Variants in TSPAN14 observed in about 807,000 individuals in gnomAD.
TSPAN14 encodes tetraspanin-14.
TSPAN14 carries 16 observed loss-of-function variants against 36.6 expected under a neutral mutation model. The ratio of observed to expected loss-of-function variants is 0.44; its 90% confidence interval spans 0.30 to 0.66. The LOEUF (loss-of-function observed/expected upper bound fraction) is 0.66. Ranked by LOEUF, TSPAN14 falls within the 30% of genes least tolerant of loss-of-function variation. The probability of loss-of-function intolerance (pLI) is 0.12; values close to 1 mark genes in which losing one functional copy is unlikely to be tolerated. For synonymous variants in TSPAN14, 139 were observed against 143.8 expected (o/e 0.97, Z 0.24); for missense variants, 231 against 355.1 (o/e 0.65, Z 2.81).
At chr10:80,461,507 A>G (rs1421193440) in intron 1 of TSPAN14, among the ~76,000 whole-genome samples, 1 of 152,114 alleles carries the variant, frequency 6.6e-6, no homozygotes, top group Non-Finnish European at 1.5e-5. Context: ...TGCCAAAATC[A>G]GAGTTGGTGG....
At chr10:80,506,326 T>G (rs1335663253) in intron 3 of TSPAN14, among the ~76,000 whole-genome samples, 3 of 152,202 alleles carry the variant, frequency 2.0e-5, no homozygotes, top group Non-Finnish European at 4.4e-5. Flanking sequence ...TGAGGCGGTC[T>G]TTTTCTTTCA....
At chr10:80,508,705 G>A (rs1840446619) in intron 4 of TSPAN14, among the ~76,000 whole-genome samples, 1 of 152,280 alleles carries the variant, frequency 6.6e-6, no homozygotes, top group Non-Finnish European at 1.5e-5. Flanking sequence ...ATTGTAAAGA[G>A]CCCTGCAGGG....
intron 7 of TSPAN14, 42 bp from the exon 8 acceptor site, chr10:80,516,162 G>C (rs190737605): frequency 1.2e-6 from 2 of 1,613,466 alleles, no homozygotes; most frequent in Admixed American, 3.3e-5. Flanking sequence ...TGGGGACATC[G>C]TGTGTGCCAA....
intron 6 of TSPAN14, among the ~76,000 whole-genome samples, chr10:80,513,239 A>G (rs976195600): frequency 1.3e-5 from 2 of 151,790 alleles, no homozygotes; most frequent in African/African-American, 4.8e-5. Context: ...TCCAAGGCCA[A>G]CGTCCTTGGG....
intron 1 of TSPAN14, among the ~76,000 whole-genome samples, chr10:80,459,741 C>T (rs1845885910): frequency 6.6e-6 from 1 of 152,046 alleles, no homozygotes; most frequent in Non-Finnish European, 1.5e-5. Context: ...AGGAGAGAGG[C>T]CCCACAGCAG....
chr10:80,471,885 C>T (rs1286811401), intron 1 of TSPAN14, among the ~76,000 whole-genome samples: 2 of 152,166 alleles, frequency 1.3e-5, no homozygotes, highest in African/African-American at 2.4e-5. Context: ...TTCTGAAAAT[C>T]TCTCATGGGT....
intron 2 of TSPAN14, among the ~76,000 whole-genome samples, chr10:80,498,528 G>A (rs2132030356): frequency 6.6e-6 from 1 of 152,294 alleles, no homozygotes; most frequent in East Asian, 1.9e-4. Context: ...GTTGTCTCCA[G>A]AAGCCCAGTA....
chr10:80,461,166 C>T (rs1476891492), intron 1 of TSPAN14, among the ~76,000 whole-genome samples: 3 of 152,160 alleles, frequency 2.0e-5, no homozygotes, highest in Admixed American at 2.0e-4. Context: ...CTCTGCCTCT[C>T]TTGAGGGCCG....
At chr10:80,511,007 G>T (rs954762985) in intron 5 of TSPAN14, among the ~76,000 whole-genome samples, 1 of 152,240 alleles carries the variant, frequency 6.6e-6, no homozygotes, top group African/African-American at 2.4e-5. Context: ...GTGGAGGTGT[G>T]GGGGAGACAA....
exon 6 of TSPAN14, chr10:80,512,237 G>C: frequency 6.2e-7 from 1 of 1,614,156 alleles, no homozygotes; most frequent in Non-Finnish European, 8.5e-7. Flanking sequence ...GAAGTGCGGG[G>C]TCCCCTTCTC....
chr10:80,482,732 C>CT (rs34769982), intron 1 of TSPAN14, among the ~76,000 whole-genome samples: 2,419 of 110,490 alleles, frequency 0.022, 143 homozygotes, highest in African/African-American at 0.064. Flanking sequence ...TTTTCTTTTC[C>CT]TTTTTTTTTT....
rs758224565 is a variant in TSPAN14, at chr10:80,516,186, T to G, written c.622-18T>G. Reference sequence around the variant, plus strand: ...CGTGTGTGCCAAAGGCTCAGACCCCTGTGGTGTTTTCCTGCAGCTGAAGAG... The same window carrying G: ...CGTGTGTGCCAAAGGCTCAGACCCCGGTGGTGTTTTCCTGCAGCTGAAGAG... On this transcript the variant is annotated intron_variant, in intron 7 of 8. Coordinates refer to ENST00000429989, the Ensembl canonical transcript of TSPAN14. 6.2e-7 allele frequency: 1 copy of G among 1,614,162 alleles called. No individual in the cohort carries two copies.
At chr10:80,507,139 C>T (rs1840345462) in intron 3 of TSPAN14, 89 bp from the exon 4 acceptor site, 1 of 1,522,276 alleles carries the variant, frequency 6.6e-7, no homozygotes, top group Non-Finnish European at 9.0e-7. Flanking sequence ...AAGCAAGTCC[C>T]TGTTTTCAGT....
chr10:80,454,559 C>T (rs1422139029), intron 1 of TSPAN14, among the ~76,000 whole-genome samples, 188 bp downstream of exon 1: 1 of 151,940 alleles, frequency 6.6e-6, no homozygotes, highest in Non-Finnish European at 1.5e-5. Flanking sequence ...GCCAGGATTG[C>T]TCGCTAGAGG....
In TSPAN14 at chr10:80,509,813, T is replaced by C. The variant is rs1456514952; in HGVS notation, c.450+342T>C. Reference sequence around the variant, plus strand: ...GCTGCAATCCTCCTTAGGCGCTGCATACCGTAAGGCACAGCTTCTTCCCCC... The same window carrying C: ...GCTGCAATCCTCCTTAGGCGCTGCACACCGTAAGGCACAGCTTCTTCCCCC... On this transcript the variant is annotated intron_variant, in intron 5 of 8. Coordinates refer to ENST00000429989, the Ensembl canonical transcript of TSPAN14. This position sits in a 1 kb window ranked among gnomAD's most constrained non-coding sequence, Gnocchi z 4.7. 2.4e-5 allele frequency: 6 copies of C among 246,446 alleles called. No homozygotes were observed. In the Admixed American group the frequency reaches 3.1e-4, roughly 13 times the overall value. 15.3% of individuals were successfully genotyped at this position (246,446 alleles called of 1,614,324 possible). A position where few individuals can be genotyped will look rare whatever the true frequency, so the allele number is the denominator to read the frequency against.
chr10:80,513,012 C>T (rs1199601179), intron 6 of TSPAN14, among the ~76,000 whole-genome samples: 1 of 152,202 alleles, frequency 6.6e-6, no homozygotes, highest in African/African-American at 2.4e-5. Flanking sequence ...AATTCTCCAG[C>T]CTCAACCTCC....
In TSPAN14 at chr10:80,480,456, T is replaced by G. The variant is rs534831155; in HGVS notation, c.-17-8761T>G. Among the ~76,000 whole-genome samples, 3 of 152,326 alleles carry G rather than the reference T, an allele frequency of 2.0e-5. No homozygotes were observed. The South Asian group carries it at 6.2e-4, about 32-fold the overall frequency. On this transcript the variant is annotated intron_variant, in intron 1 of 8. Coordinates refer to ENST00000429989, the Ensembl canonical transcript of TSPAN14. ...TATATACCCAAAGGTCTATAAATCA[T>G]GCTGCTATAAAGACACATGCACACG...
At chr10:80,467,713 T>C (rs1341826834) in intron 1 of TSPAN14, among the ~76,000 whole-genome samples, 1 of 152,140 alleles carries the variant, frequency 6.6e-6, no homozygotes, top group Non-Finnish European at 1.5e-5. Flanking sequence ...GTGGTGATGA[T>C]CACCTCAAAA....
At chr10:80,501,866 C>G (rs997957312) in intron 2 of TSPAN14, among the ~76,000 whole-genome samples, 12 of 152,234 alleles carry the variant, frequency 7.9e-5, no homozygotes, top group Admixed American at 5.9e-4. Context: ...GTCACTCATG[C>G]CTGCTCTGTG....
Sources: gnomAD v4.1 joint callset for allele counts (sites outside exome capture counted in the v4.1 genomes callset) on GRCh38, gnomAD v4.1.1 for gene constraint, Gnocchi (gnomAD v3.1) non-coding constraint, MANE v1.5 for transcripts, NCBI Gene and HGNC (gene_info 2026-07-23, HGNC 2026-07-21) for gene names.